Variants in KIAA1191 observed in about 807,000 individuals in gnomAD.
KIAA1191 encodes putative monooxygenase p33MONOX.
A neutral mutation model predicts 31.1 loss-of-function variants in KIAA1191; 22 were observed. That is an observed-to-expected ratio of 0.71 (90% CI 0.51 to 1.01). The LOEUF (loss-of-function observed/expected upper bound fraction) is 1.01, where lower values mean the gene tolerates loss of function less well. Ranked by LOEUF, KIAA1191 falls within the 50% of genes least tolerant of loss-of-function variation. KIAA1191 has a pLI of 0.00. For synonymous variants in KIAA1191, 130 were observed against 143.9 expected (o/e 0.90, Z 0.69); for missense variants, 319 against 388.0 (o/e 0.82, Z 1.49).
rs185915290 is a variant in KIAA1191 at position 176,359,312 on chromosome 5, C to G, written c.28+169G>C. The stretch of plus-strand genomic sequence containing the variant: ...CCAGCCTGGGCAACAGAGCAAGACT[C>G]CATCTCAAAAAAATAAAATAAAATA... On this transcript the variant is annotated intron_variant, in intron 3 of 8. Coordinates refer to ENST00000298569, the MANE Select transcript of KIAA1191 (RefSeq NM_020444.5). 9.0e-4 allele frequency: 490 copies of G among 543,654 alleles called. 3 individuals carry two copies. The highest frequency in any genetic ancestry group is 8.6e-3 in the African/African-American group (442 of 51,680). 33.7% of individuals were successfully genotyped at this position (543,654 alleles called of 1,614,324 possible).
At chr5:176,359,267 C>G (rs537088334) in intron 3 of KIAA1191, among the ~76,000 whole-genome samples, 1 of 146,914 alleles carries the variant, frequency 6.8e-6, no homozygotes, top group African/African-American at 2.5e-5. Flanking sequence ...AGCAGTGAGC[C>G]GAGATTGTGC....
intron 3 of KIAA1191, among the ~76,000 whole-genome samples, chr5:176,358,389 C>G (rs753031673): frequency 3.9e-5 from 6 of 152,210 alleles, no homozygotes; most frequent in Non-Finnish European, 7.3e-5. Flanking sequence ...AAGTTTCATA[C>G]TATGGCTGAG....
In KIAA1191 at chr5:176,350,749, G is replaced by A; in HGVS notation, c.335-12C>T. The A allele has an allele frequency of 6.2e-7, 1 of 1,613,444 alleles. No individual in the cohort carries two copies. On this transcript the variant is annotated splice_polypyrimidine_tract_variant and intron_variant, in intron 5 of 8. Transcript: ENST00000298569. Reference sequence around the variant, plus strand: ...TTCCTGGGTCTGTTCTGGGAACAGAGGAGATGACAGTCATGCCCATTCCCC... The same window carrying A: ...TTCCTGGGTCTGTTCTGGGAACAGAAGAGATGACAGTCATGCCCATTCCCC...
At chr5:176,358,848 G>C (rs996649792) in intron 3 of KIAA1191, among the ~76,000 whole-genome samples, 2 of 152,176 alleles carry the variant, frequency 1.3e-5, no homozygotes, top group Non-Finnish European at 2.9e-5. Context: ...ACCTTGGGAG[G>C]CCGAGGCGGG....
intron 3 of KIAA1191, among the ~76,000 whole-genome samples, chr5:176,357,747 G>A (rs1396405110): frequency 1.3e-5 from 2 of 152,132 alleles, no homozygotes; most frequent in Non-Finnish European, 2.9e-5. Flanking sequence ...AAACTAAAAC[G>A]GAGCTGATGA....
chr5:176,354,503 G>A (rs1767323050), intron 4 of KIAA1191: 1 of 152,304 alleles, frequency 6.6e-6, no homozygotes, highest in African/African-American at 2.4e-5. Flanking sequence ...CCTGAGGTCG[G>A]GAAGCAGAGG....
At position 176,348,245 on chromosome 5, in the gene KIAA1191, C is replaced by T. The variant is rs1348390493; in HGVS notation, c.566+5G>A. On this transcript the variant is annotated splice_donor_5th_base_variant and intron_variant, in intron 7 of 8. Coordinates refer to ENST00000298569, the MANE Select transcript of KIAA1191 (RefSeq NM_020444.5). ...GAACTCGGAAGGGTCACAGGAAGGG[C>T]TCACCTGGGCCTCTGCTTAGGTGAA... 6.2e-7 allele frequency: 1 copy of T among 1,612,710 alleles called. No homozygotes were observed. The highest frequency in any genetic ancestry group is 1.3e-5 in the African/African-American group (1 of 74,762).
At chr5:176,354,734 A>G (rs961653687) in intron 4 of KIAA1191, among the ~76,000 whole-genome samples, 32 of 152,288 alleles carry the variant, frequency 2.1e-4, no homozygotes, top group African/African-American at 5.3e-4. Context: ...ATGCCAGGCC[A>G]TCGGCTGGAT....
intron 6 of KIAA1191, among the ~76,000 whole-genome samples, chr5:176,349,565 T>C (rs930894407): frequency 6.6e-6 from 1 of 152,050 alleles, no homozygotes; most frequent in African/African-American, 2.4e-5. Flanking sequence ...CCTAGCTATT[T>C]GGGAGGCTGA....
In KIAA1191 at chr5:176,355,769, T is replaced by A; in HGVS notation, c.29-20A>T. 6.2e-7 allele frequency: 1 copy of A among 1,612,900 alleles called. No individual in the cohort carries two copies. On this transcript the variant is annotated intron_variant, in intron 3 of 8. Transcript: ENST00000298569. This position sits in a 1 kb window ranked among gnomAD's most constrained non-coding sequence, Gnocchi z 4.2. ...CAAGAGCTAAGAACAGAGACACCTG[T>A]CAAGACAGGTTCAGCAACTGGACAT... is the stretch of plus-strand genomic sequence containing the variant.
intron 3 of KIAA1191, among the ~76,000 whole-genome samples, chr5:176,358,313 G>C (rs1767674639): frequency 6.6e-6 from 1 of 152,186 alleles, no homozygotes. Context: ...ATTATTATTT[G>C]ATAACTAGGA....
intron 3 of KIAA1191, among the ~76,000 whole-genome samples, chr5:176,357,669 A>G (rs1281137077): frequency 1.3e-5 from 2 of 152,198 alleles, no homozygotes; most frequent in Admixed American, 1.3e-4. Flanking sequence ...CATTCACTGA[A>G]TGGGCACAAT....
Position 176,360,732 on chromosome 5 carries a change from C to A in KIAA1191, c.-167-814G>T, listed in dbSNP as rs548656229. On this transcript the variant is annotated intron_variant, in intron 1 of 8. Transcript: ENST00000298569. ...AGGAGAATAGCTTGAACCCGGGAGG[C>A]GGAGGTTGCAGTGAGCCGAGATCGA... Among the ~76,000 whole-genome samples the A allele has an allele frequency of 8.6e-5, 13 of 151,774 alleles. No homozygotes were observed. In the South Asian group the frequency reaches 1.0e-3, roughly 12 times the overall value.
intron 4 of KIAA1191, chr5:176,353,685 A>T (rs1008348268): frequency 2.6e-5 from 4 of 152,224 alleles, no homozygotes; most frequent in Non-Finnish European, 4.4e-5. Context: ...CAATGAGTCA[A>T]GCGGAGCTCT....
At chr5:176,348,138 C>T in intron 7 of KIAA1191, 75 bp from the exon 8 acceptor site, 1 of 1,599,110 alleles carries the variant, frequency 6.3e-7, no homozygotes, top group Non-Finnish European at 8.5e-7. Flanking sequence ...ACCAAAAGAA[C>T]AGGGAACTAT....
intron 4 of KIAA1191, among the ~76,000 whole-genome samples, chr5:176,354,830 G>A (rs1177354140): frequency 6.6e-6 from 1 of 152,138 alleles, no homozygotes; most frequent in Non-Finnish European, 1.5e-5. Context: ...GGATGACGAC[G>A]GGGACCATGG....
Position 176,352,647 on chromosome 5 carries a change from A to G in KIAA1191, c.309T>C (p.His103=). ...TTGTGATCAGAGAATTCATGATGAC[A>G]TGGGTAGCTTTAGCCTTCACCACTG... ...KVPVVKAKAT[H]VIMNSLITKQ... The change falls in exon 5 of 9, where the codon CAT becomes CAC. Residue 103 remains histidine, a synonymous_variant. Transcript: ENST00000298569. 6.2e-7 allele frequency: 1 copy of G among 1,613,884 alleles called. No individual in the cohort carries two copies.
chr5:176,347,749 G>GT lies in KIAA1191; in HGVS notation c.768dup (p.Arg257ThrfsTer9). On this transcript the variant is annotated frameshift_variant, in exon 9 of 9. Coordinates refer to ENST00000298569, the MANE Select transcript of KIAA1191 (RefSeq NM_020444.5). LOFTEE classifies it high-confidence loss of function. ...TCAGCCATTCGGTTGGCCTGGGCAC[G>GT]TATCAGTTCCAATGGAGAGGGCTTC... 9 of 1,610,094 alleles carry GT rather than the reference G, an allele frequency of 5.6e-6. No homozygotes were observed. Among genetic ancestry groups the GT allele is most frequent in the African/African-American group, 1.3e-5 (1 of 74,834 alleles).
In KIAA1191 at chr5:176,348,367, G is replaced by A. The variant is rs1262903442; in HGVS notation, c.460-11C>T. ...CTGTAACTTTAGTTTCTGCTCAGAT[G>A]GGTAAGAAGAGAGACTTTTTAAAAA... On this transcript the variant is annotated splice_polypyrimidine_tract_variant and intron_variant, in intron 6 of 8. Coordinates refer to ENST00000298569, the MANE Select transcript of KIAA1191 (RefSeq NM_020444.5). 2 of 1,597,376 alleles carry A rather than the reference G, an allele frequency of 1.3e-6. No homozygotes were observed. Among genetic ancestry groups the A allele is most frequent in the South Asian group, 2.2e-5 (2 of 90,478 alleles).
Sources: gnomAD v4.1 joint callset for allele counts (sites outside exome capture counted in the v4.1 genomes callset) on GRCh38, gnomAD v4.1.1 for gene constraint, Gnocchi (gnomAD v3.1) non-coding constraint, MANE v1.5 for transcripts, NCBI Gene and HGNC (gene_info 2026-07-23, HGNC 2026-07-21) for gene names.